The following REPS1 variants were observed in gnomAD, a reference collection of about 807,000 sequenced individuals.
REPS1 encodes the protein ralBP1-associated Eps domain-containing protein 1.
Under a neutral mutation model 100.9 loss-of-function variants are expected in REPS1, and 39 were observed. The ratio of observed to expected loss-of-function variants is 0.39; its 90% CI spans 0.30 to 0.50. The LOEUF (loss-of-function observed/expected upper bound fraction) is 0.50, where lower values mean the gene tolerates loss of function less well. REPS1 is among the 20% of genes least tolerant of loss of function. The pLI is 0.86. For missense variants in REPS1, 821 were observed against 968.5 expected (o/e 0.85, Z 2.02); for synonymous variants, 324 against 340.3 (o/e 0.95, Z 0.53).
chr6:138,957,125 AAAGT>A (rs1266880822), intron 1 of REPS1, among the ~76,000 whole-genome samples: 3 of 152,174 alleles, frequency 2.0e-5, no homozygotes, highest in Admixed American at 6.5e-5. Context: ...GTAAATCATT[AAAGT>A]AAGAGATTTT....
In REPS1 at chr6:138,941,429, A is replaced by T. The variant is rs1349446788; in HGVS notation, c.1041T>A (p.Phe347Leu). Residue 347 changes from phenylalanine to leucine, a missense_variant, in exon 8 of 20, where the codon TTT becomes TTA. Coordinates refer to ENST00000450536, the MANE Select transcript of REPS1 (RefSeq NM_001286611.2). ...CATTCTTCCTAGCAACCACCAGATGAAAAGCAGCACAAAACTCATCCAGTG... is the reference window on the plus strand; with the variant it reads ...CATTCTTCCTAGCAACCACCAGATGTAAAGCAGCACAAAACTCATCCAGTG... ...ALTLDEFCAA[F>L]HLVVARKNGY... is the part of the protein sequence containing the mutation. 1 of 1,613,966 alleles carries T rather than the reference A, an allele frequency of 6.2e-7. No homozygotes were observed. The highest frequency in any genetic ancestry group is 8.5e-7 in the Non-Finnish European group (1 of 1,179,966).
In REPS1 at chr6:138,933,375, T is replaced by A. The variant is rs537129896; in HGVS notation, c.1136-3277A>T. Reference sequence around the variant, plus strand: ...CAATTCATAAATAAGTGATGAGCACTGCTGTGTTCTAATACAATTTTTATG... The same window carrying A: ...CAATTCATAAATAAGTGATGAGCACAGCTGTGTTCTAATACAATTTTTATG... On this transcript the variant is annotated intron_variant, in intron 8 of 19. Coordinates refer to ENST00000450536, the MANE Select transcript of REPS1 (RefSeq NM_001286611.2). 2.6e-5 allele frequency among the ~76,000 whole-genome samples: 4 copies of A among 152,368 alleles called. No homozygotes were observed. The South Asian group carries it at 8.3e-4, about 32-fold the overall frequency.
intron 1 of REPS1, among the ~76,000 whole-genome samples, chr6:138,974,582 T>C (rs941854047): frequency 6.6e-6 from 1 of 152,146 alleles, no homozygotes; most frequent in African/African-American, 2.4e-5. Flanking sequence ...ATTCAAGTCT[T>C]TGGAGGCTGA....
intron 8 of REPS1, among the ~76,000 whole-genome samples, chr6:138,932,468 C>T (rs1220816334): frequency 6.6e-6 from 1 of 150,414 alleles, no homozygotes; most frequent in African/African-American, 2.5e-5. Flanking sequence ...TACCCCCCCC[C>T]ACATACATAA....
chr6:138,981,898 T>C lies in REPS1; in HGVS notation c.153+5632A>G, dbSNP rs112802547. Among the ~76,000 whole-genome samples, 916 of 150,016 alleles carry C rather than the reference T, an allele frequency of 6.1e-3. 8 individuals are homozygous for C. Among genetic ancestry groups the C allele is most frequent in the African/African-American group, 0.022 (871 of 39,616 alleles). On this transcript the variant is annotated intron_variant, in intron 1 of 19. Transcript: ENST00000450536. ...ATACTAAAACTCTAACTCTGGGCTA[T>C]TGATTAAAACAAACAAACAAACAAA...
rs1229475039 is a variant in REPS1, at chr6:138,987,822, C to T, written c.-140G>A. ...ACGCCGGCCCCGGCCTCACACGCGC[C>T]AGGTGCGCCCGAGCAACAGGGCCCG... On this transcript the variant is annotated 5_prime_UTR_variant, in exon 1 of 20. Transcript: ENST00000450536. 2 of 1,074,698 alleles carry T rather than the reference C, an allele frequency of 1.9e-6. No individual in the cohort carries two copies. The highest frequency in any genetic ancestry group is 2.4e-6 in the Non-Finnish European group (2 of 824,168). 66.6% of individuals were successfully genotyped at this position (1,074,698 alleles called of 1,614,324 possible).
chr6:138,915,996 A>C lies in REPS1; in HGVS notation c.1602-20T>G. Reference sequence around the variant, plus strand: ...TGAGACCTGCAAAATTCACCCCATGATAATTGGTCATACTACTGATATCAG... The same window carrying C: ...TGAGACCTGCAAAATTCACCCCATGCTAATTGGTCATACTACTGATATCAG... On this transcript the variant is annotated intron_variant, in intron 13 of 19. Transcript: ENST00000450536. 1 of 1,530,326 alleles carries C rather than the reference A, an allele frequency of 6.5e-7. No individual in the cohort carries two copies. Among genetic ancestry groups the C allele is most frequent in the Non-Finnish European group, 9.1e-7 (1 of 1,103,826 alleles). 94.8% of individuals were successfully genotyped at this position (1,530,326 alleles called of 1,614,324 possible). A position where few individuals can be genotyped will look rare whatever the true frequency, so the allele number is the denominator to read the frequency against.
Position 138,961,874 on chromosome 6 carries a change from T to C in REPS1, c.154-13961A>G, listed in dbSNP as rs553066225. 9.9e-5 allele frequency among the ~76,000 whole-genome samples: 15 copies of C among 152,216 alleles called. No individual in the cohort carries two copies. The East Asian group carries it at 2.9e-3, about 29-fold the overall frequency. ...TATGGGAGCAAGCAATTAATATGAA[T>C]TAGCAAAACTGGCAAGGTGAGGAAA... is the stretch of plus-strand genomic sequence containing the variant. On this transcript the variant is annotated intron_variant, in intron 1 of 19. Transcript: ENST00000450536.
chr6:138,949,578 T>C (rs1582807100), intron 1 of REPS1, among the ~76,000 whole-genome samples: 1 of 152,050 alleles, frequency 6.6e-6, no homozygotes, highest in Admixed American at 6.6e-5. Context: ...ATACAAAAGT[T>C]AGCCAGGTGT....
Position 138,961,365 on chromosome 6 carries a change from T to C in REPS1, c.154-13452A>G, listed in dbSNP as rs372205562. 4.5e-4 allele frequency among the ~76,000 whole-genome samples: 68 copies of C among 152,288 alleles called. No individual in the cohort carries two copies. In the South Asian group the frequency reaches 0.013, roughly 30 times the overall value. ...CATTCTCCCGCCTCAGCCTCCCTAG[T>C]AGCTGGGATTACAGACGCCCGCCAC... On this transcript the variant is annotated intron_variant, in intron 1 of 19. Coordinates refer to ENST00000450536, the MANE Select transcript of REPS1 (RefSeq NM_001286611.2).
rs768502862 is a variant in REPS1 at position 138,945,576 on chromosome 6, T to C, written c.399A>G (p.Pro133=). Residue 133 remains proline, a synonymous_variant, in exon 3 of 20, where the codon CCA becomes CCG. Coordinates refer to ENST00000450536, the MANE Select transcript of REPS1 (RefSeq NM_001286611.2). The part of the protein sequence containing the change: ...QGSYSGVIPP[P]PGRGQVKKGS... ...CCTTTTTCACTTGCCCCCTGCCAGG[T>C]GGTGGGGGAATTACACCAGAATACG... is the stretch of plus-strand genomic sequence containing the variant. The C allele has an allele frequency of 3.1e-6, 5 of 1,613,312 alleles. No homozygotes were observed. The highest frequency in any genetic ancestry group is 4.2e-6 in the Non-Finnish European group (5 of 1,179,814).
intron 17 of REPS1, among the ~76,000 whole-genome samples, chr6:138,910,555 C>T (rs1779939567): frequency 6.6e-6 from 1 of 152,102 alleles, no homozygotes; most frequent in African/African-American, 2.4e-5. Flanking sequence ...GGTTTCGCCA[C>T]ATTGCCCAGG....
At position 138,907,579 on chromosome 6, in the gene REPS1, T is replaced by C. The variant is rs1169173622; in HGVS notation, c.2238A>G (p.Lys746=). The part of the protein sequence containing the change: ...SIPRSVGKDK[K]AIQASIRRNK... ...TACGTCTAATTGATGCCTGAATAGC[T>C]TTCTTATCTTTCCCAACAGATCTGA... The change falls in exon 19 of 20, where the codon AAA becomes AAG. Residue 746 remains lysine (K), a synonymous_variant. Transcript: ENST00000450536. 11 of 1,612,928 alleles carry C rather than the reference T, an allele frequency of 6.8e-6. No individual in the cohort carries two copies. Among genetic ancestry groups the C allele is most frequent in the Non-Finnish European group, 7.6e-6 (9 of 1,179,050 alleles).
At chr6:138,927,912 A>T (rs1248842541) in intron 9 of REPS1, 1 of 152,238 alleles carries the variant, frequency 6.6e-6, no homozygotes, top group Non-Finnish European at 1.5e-5. Context: ...AATCCTAATT[A>T]ACTAACTGTG....
At chr6:138,938,001 TAATC>T (rs1181367294) in intron 8 of REPS1, among the ~76,000 whole-genome samples, 1 of 99,354 alleles carries the variant, frequency 1.0e-5, no homozygotes, top group Non-Finnish European at 2.3e-5. Flanking sequence ...CAGGTCATCT[TAATC>T]TTTTTTTTTT....
At chr6:138,941,554 G>C in intron 7 of REPS1, 65 bp from the exon 8 acceptor site, 1 of 1,439,476 alleles carries the variant, frequency 6.9e-7, no homozygotes, top group Non-Finnish European at 9.6e-7. Flanking sequence ...TTCTCAAAAA[G>C]AAGCAAGAGA....
chr6:138,952,229 G>C (rs1290616265), intron 1 of REPS1, among the ~76,000 whole-genome samples: 2 of 152,018 alleles, frequency 1.3e-5, no homozygotes, highest in Non-Finnish European at 2.9e-5. Context: ...AAGAAAGAAA[G>C]GGCATCTGAA....
chr6:138,976,339 T>C (rs1032846892), intron 1 of REPS1, among the ~76,000 whole-genome samples: 4 of 152,156 alleles, frequency 2.6e-5, no homozygotes, highest in Non-Finnish European at 5.9e-5. Flanking sequence ...GCTATTATAA[T>C]TGTGAGGATT....
chr6:138,955,457 A>ATGTGTGTGTGT (rs10689184), intron 1 of REPS1, among the ~76,000 whole-genome samples: 1 of 90,720 alleles, frequency 1.1e-5, no homozygotes, highest in African/African-American at 5.2e-5. Context: ...AAAAAAAAAA[A>ATGTGTGTGTGT]GTGTGTGTGT....
Sources: gnomAD v4.1 joint callset for allele counts (sites outside exome capture counted in the v4.1 genomes callset) on GRCh38, gnomAD v4.1.1 for gene constraint, MANE v1.5 for transcripts, NCBI Gene and HGNC (gene_info 2026-07-23, HGNC 2026-07-21) for gene names.